Variants in KPNA7 observed in about 807,000 individuals in gnomAD.
The protein encoded by KPNA7 is karyopherin subunit alpha 7.
Under a neutral mutation model 53.7 loss-of-function variants are expected in KPNA7, and 54 were observed. The observed-to-expected ratio is 1.01, with a 90% confidence interval of 0.81 to 1.26. KPNA7 has a LOEUF of 1.26. KPNA7 is among the 50% of genes most tolerant of loss of function. KPNA7 has a pLI of 0.00. For missense variants in KPNA7, 640 were observed against 644.5 expected (o/e 0.99, Z 0.07); for synonymous variants, 276 against 259.3 (o/e 1.06, Z -0.62).
At chr7:99,201,604 G>C (rs372325081) in intron 3 of KPNA7, among the ~76,000 whole-genome samples, 12 of 150,824 alleles carry the variant, frequency 8.0e-5, no homozygotes, top group African/African-American at 2.9e-4. Context: ...CGGAAGTTGC[G>C]GTGAGCCAAG....
intron 9 of KPNA7, 39 bp from the exon 10 acceptor site, chr7:99,178,105 G>A (rs1798988743): frequency 6.5e-7 from 1 of 1,541,098 alleles, no homozygotes. Flanking sequence ...CCCCCGGCAG[G>A]AGCCTTTGGG....
chr7:99,163,352 A>AGTGTGT, the KPNA7 span, among the ~76,000 whole-genome samples: 714 of 101,166 alleles, frequency 7.1e-3, 24 homozygotes, highest in African/African-American at 0.026. Flanking sequence ...TATAAATATG[A>AGTGTGT]GTGTGTGTAT....
chr7:99,182,048 C>A lies in KPNA7; in HGVS notation c.1152G>T (p.Gln384His). ...TCGCCACCATCCAGACAGCCTCTTT[C>A]TGGACTTTAAATTCTCCCTGCAGAA... is the stretch of plus-strand genomic sequence containing the variant. ...ALLKNGEFKV[Q>H]KEAVWMVANF... is the part of the protein sequence containing the mutation. Residue 384 changes from glutamine (Q) to histidine (H), a missense_variant, in exon 9 of 11, where the codon CAG becomes CAT. Coordinates refer to ENST00000327442, the MANE Select transcript of KPNA7 (RefSeq NM_001145715.3). The A allele has an allele frequency of 6.5e-7, 1 of 1,538,258 alleles. No homozygotes were observed. The highest frequency in any genetic ancestry group is 1.2e-5 in the South Asian group (1 of 83,252).
At chr7:99,218,568 C>T (rs1791269307) in intron 1 of KPNA7, among the ~76,000 whole-genome samples, 1 of 152,162 alleles carries the variant, frequency 6.6e-6, no homozygotes, top group African/African-American at 2.4e-5. Context: ...CCCGCAAGCC[C>T]GCGTCTGGGC....
intron 1 of KPNA7, among the ~76,000 whole-genome samples, chr7:99,213,689 C>T (rs1791133658): frequency 6.6e-6 from 1 of 152,066 alleles, no homozygotes; most frequent in African/African-American, 2.4e-5. Context: ...TAGCTCACTG[C>T]AGCCTCAAAC....
chr7:99,190,234 G>A (rs1789865339), intron 6 of KPNA7, among the ~76,000 whole-genome samples: 2 of 151,782 alleles, frequency 1.3e-5, no homozygotes, highest in South Asian at 2.1e-4. Flanking sequence ...CTACTCGGGA[G>A]GCTGAAGCAG....
the KPNA7 span, among the ~76,000 whole-genome samples, chr7:99,164,901 C>T: frequency 2.0e-5 from 3 of 152,108 alleles, no homozygotes; most frequent in East Asian, 3.9e-4. Flanking sequence ...AGTTTTGAGA[C>T]CAGCCTGGTC....
At chr7:99,156,172 G>A in the KPNA7 span, among the ~76,000 whole-genome samples, 1 of 152,054 alleles carries the variant, frequency 6.6e-6, no homozygotes, top group Admixed American at 6.6e-5. Context: ...ACATTCTCAA[G>A]TAACTTCCTT....
At chr7:99,161,407 TACC>T in the KPNA7 span, among the ~76,000 whole-genome samples, 2 of 152,152 alleles carry the variant, frequency 1.3e-5, no homozygotes, top group Non-Finnish European at 2.9e-5. Flanking sequence ...TACCACATAC[TACC>T]ATTGTAAGTA....
intron 10 of KPNA7, among the ~76,000 whole-genome samples, chr7:99,174,869 G>A (rs1798844069): frequency 6.6e-6 from 1 of 150,758 alleles, no homozygotes; most frequent in African/African-American, 2.4e-5. Flanking sequence ...GGAGTACAGT[G>A]GCATGATTGC....
intron 3 of KPNA7, among the ~76,000 whole-genome samples, chr7:99,198,343 A>G (rs1162767853): frequency 6.6e-6 from 1 of 152,216 alleles, no homozygotes; most frequent in Non-Finnish European, 1.5e-5. Flanking sequence ...ATAAGCTAAT[A>G]TCCCTTATAA....
chr7:99,190,129 G>A (rs1789857622), intron 6 of KPNA7, among the ~76,000 whole-genome samples: 1 of 151,920 alleles, frequency 6.6e-6, no homozygotes, highest in Non-Finnish European at 1.5e-5. Context: ...ATGAGGTCAG[G>A]GGTTCAAGAC....
chr7:99,218,763 G>C (rs561175991), intron 1 of KPNA7, among the ~76,000 whole-genome samples: 1 of 152,294 alleles, frequency 6.6e-6, no homozygotes, highest in South Asian at 2.1e-4. Context: ...GCCCCCAGAG[G>C]CACCTCCGTG....
the KPNA7 span, among the ~76,000 whole-genome samples, chr7:99,147,145 T>C: frequency 6.6e-6 from 1 of 152,134 alleles, no homozygotes; most frequent in Non-Finnish European, 1.5e-5. Context: ...GAATACAAAA[T>C]AAATCTATTA....
downstream of KPNA7, chr7:99,173,541 G>A: frequency 1.8e-6 from 1 of 556,394 alleles, no homozygotes; most frequent in East Asian, 3.1e-5. Flanking sequence ...TAAGATGCAA[G>A]TCGTTTATCT....
the KPNA7 span, among the ~76,000 whole-genome samples, chr7:99,161,344 C>T: frequency 1.0e-3 from 153 of 152,020 alleles, 1 homozygote; most frequent in African/African-American, 3.4e-3. Context: ...GCCTGTGTAG[C>T]GTAGAACTGA....
intron 3 of KPNA7, among the ~76,000 whole-genome samples, chr7:99,196,934 G>T (rs1336864634): frequency 6.6e-6 from 1 of 152,094 alleles, no homozygotes; most frequent in Non-Finnish European, 1.5e-5. Flanking sequence ...AGCTACCTGA[G>T]AGGTTGAATA....
At chr7:99,152,391 A>G in the KPNA7 span, among the ~76,000 whole-genome samples, 1 of 151,966 alleles carries the variant, frequency 6.6e-6, no homozygotes, top group Non-Finnish European at 1.5e-5. Context: ...AAGGAAAGAA[A>G]AAGAAAAAAA....
chr7:99,178,102 C>T, intron 9 of KPNA7, 36 bp from the exon 10 acceptor site: 1 of 1,544,710 alleles, frequency 6.5e-7, no homozygotes, highest in Non-Finnish European at 8.7e-7. Flanking sequence ...AGACCCCCGG[C>T]AGGAGCCTTT....
Sources: gnomAD v4.1 joint callset for allele counts (sites outside exome capture counted in the v4.1 genomes callset) on GRCh38, gnomAD v4.1.1 for gene constraint, MANE v1.5 for transcripts, NCBI Gene and HGNC (gene_info 2026-07-23, HGNC 2026-07-21) for gene names.